The following KIAA1671 variants were observed in gnomAD, a reference collection of about 807,000 sequenced individuals.
KIAA1671 encodes uncharacterized protein KIAA1671.
A neutral mutation model predicts 131.2 loss-of-function variants in KIAA1671; 52 were observed. That is an observed-to-expected ratio of 0.40 (90% CI 0.32 to 0.50). KIAA1671 has a LOEUF of 0.50. KIAA1671 is among the 20% of genes least tolerant of loss of function. The probability of loss-of-function intolerance (pLI) is 0.73; values close to 1 mark genes in which losing one functional copy is unlikely to be tolerated. For missense variants in KIAA1671, 2,360 were observed against 2,364.2 expected, an observed-to-expected ratio of 1.00 and a Z score of 0.04; for synonymous variants, 1,003 against 961.6, an observed-to-expected ratio of 1.04 and a Z score of -0.80.
intron 3 of KIAA1671, among the ~76,000 whole-genome samples, chr22:25,031,432 G>A (rs967475519): frequency 6.6e-6 from 1 of 152,000 alleles, no homozygotes; most frequent in Non-Finnish European, 1.5e-5. Flanking sequence ...TCCTGACCTC[G>A]TGATCCGCCC....
chr22:25,097,112 G>A lies in KIAA1671; in HGVS notation c.4530+47748G>A, dbSNP rs573806134. Among the ~76,000 whole-genome samples, 21 of 152,260 alleles carry A rather than the reference G, an allele frequency of 1.4e-4. 2 individuals carry two copies. Among genetic ancestry groups the A allele is most frequent in the Admixed American group, 1.1e-3 (17 of 15,304 alleles). The stretch of plus-strand genomic sequence containing the variant: ...AGTCTTTGTATGGACAAATGCTCTC[G>A]TTTCTCTTGGGTAAATACCTACAAG... On this transcript the variant is annotated intron_variant, in intron 6 of 12. Transcript: ENST00000358431.
In KIAA1671 at chr22:25,029,541, G is replaced by T; in HGVS notation, c.1541+1G>T. 2.6e-6 allele frequency: 4 copies of T among 1,530,318 alleles called. No individual in the cohort carries two copies. Among genetic ancestry groups the T allele is most frequent in the Non-Finnish European group, 2.6e-6 (3 of 1,136,706 alleles). The allele number at this position is 1,530,318 out of a possible 1,614,324, so 94.8% of individuals were successfully genotyped here. ...CGCTGTCGGCGGATTTGACCAAATT[G>T]TAAGTAGGCACATCCCACACCCCTC... On this transcript the variant is annotated splice_donor_variant, in intron 3 of 12. Transcript: ENST00000358431. LOFTEE classifies it high-confidence loss of function.
At chr22:25,161,974 C>CTGTCTTTGGA (rs899540625) in intron 6 of KIAA1671, among the ~76,000 whole-genome samples, 1 of 152,124 alleles carries the variant, frequency 6.6e-6, no homozygotes, top group Non-Finnish European at 1.5e-5. Flanking sequence ...GGAGAATGTG[C>CTGTCTTTGGA]TGTCTTTGGA....
chr22:25,094,224 C>A (rs953128010), intron 6 of KIAA1671, among the ~76,000 whole-genome samples: 2 of 152,192 alleles, frequency 1.3e-5, no homozygotes, highest in African/African-American at 4.8e-5. Flanking sequence ...AGCAGGGAGG[C>A]CCAGTTTAAA....
At chr22:25,132,106 C>G (rs1196276062) in intron 6 of KIAA1671, among the ~76,000 whole-genome samples, 1 of 152,184 alleles carries the variant, frequency 6.6e-6, no homozygotes, top group Non-Finnish European at 1.5e-5. Flanking sequence ...CACATTTGTC[C>G]CTTCTTGGAT....
chr22:25,067,589 C>A (rs1928548286), intron 6 of KIAA1671, among the ~76,000 whole-genome samples: 1 of 152,092 alleles, frequency 6.6e-6, no homozygotes, highest in Admixed American at 6.5e-5. Context: ...CCTGTAACTT[C>A]CTTCTCCTTC....
At chr22:24,960,654 CTTTTT>C (rs34901740) in intron 1 of KIAA1671, among the ~76,000 whole-genome samples, 4 of 71,540 alleles carry the variant, frequency 5.6e-5, no homozygotes, top group Non-Finnish European at 1.0e-4. Flanking sequence ...TTTTCAGGTT[CTTTTT>C]TTTTTTTTTT....
At chr22:25,024,212 A>G (rs377139865) in intron 1 of KIAA1671, 3 of 152,320 alleles carry the variant, frequency 2.0e-5, no homozygotes, top group African/African-American at 7.2e-5. Context: ...GGTGGGTTCA[A>G]GGTTCCCAAA....
At chr22:25,151,532 A>G (rs1005153286) in intron 6 of KIAA1671, among the ~76,000 whole-genome samples, 11 of 150,486 alleles carry the variant, frequency 7.3e-5, no homozygotes, top group Non-Finnish European at 8.9e-5. Flanking sequence ...CCTGGGTTCA[A>G]GCGATTCTCA....
intron 5 of KIAA1671, among the ~76,000 whole-genome samples, chr22:25,045,689 A>G (rs1927184542): frequency 6.6e-6 from 1 of 152,102 alleles, no homozygotes; most frequent in Non-Finnish European, 1.5e-5. Context: ...TCCCGGGTTC[A>G]AGTGATTCTC....
intron 6 of KIAA1671, among the ~76,000 whole-genome samples, chr22:25,103,313 C>T (rs933763817): frequency 4.0e-5 from 6 of 151,232 alleles, no homozygotes; most frequent in Non-Finnish European, 8.8e-5. Context: ...CAGGTTCAAG[C>T]GATTCTCCTG....
chr22:24,984,497 G>C (rs1245233436), intron 1 of KIAA1671, among the ~76,000 whole-genome samples: 1 of 152,206 alleles, frequency 6.6e-6, no homozygotes, highest in Non-Finnish European at 1.5e-5. Context: ...ACCTGTTGGT[G>C]AAGGTAATGC....
At chr22:25,191,486 G>A (rs1213011782) in intron 12 of KIAA1671, among the ~76,000 whole-genome samples, 2 of 152,084 alleles carry the variant, frequency 1.3e-5, no homozygotes, top group South Asian at 2.1e-4. Context: ...TAGGGGGAGT[G>A]TTTCATATAC....
intron 6 of KIAA1671, among the ~76,000 whole-genome samples, chr22:25,073,221 T>C (rs1928920679): frequency 6.6e-6 from 1 of 150,722 alleles, no homozygotes; most frequent in South Asian, 2.1e-4. Context: ...GTGCGTGCCA[T>C]CATGCCCAGC....
chr22:25,131,673 G>A (rs900360739), intron 6 of KIAA1671, among the ~76,000 whole-genome samples: 7 of 152,244 alleles, frequency 4.6e-5, no homozygotes, highest in Non-Finnish European at 8.8e-5. Flanking sequence ...GTCGTGTGGG[G>A]CAGGGTCAGG....
At chr22:25,149,157 C>T (rs565745197) in intron 6 of KIAA1671, among the ~76,000 whole-genome samples, 8 of 152,328 alleles carry the variant, frequency 5.3e-5, no homozygotes, top group Admixed American at 2.6e-4. Flanking sequence ...CAGTGCTCAC[C>T]TCGACTCTGG....
At chr22:24,962,989 G>A (rs892865283) in intron 1 of KIAA1671, among the ~76,000 whole-genome samples, 1 of 152,104 alleles carries the variant, frequency 6.6e-6, no homozygotes, top group African/African-American at 2.4e-5. Flanking sequence ...GCGCCACTAT[G>A]AATGCACTCA....
At chr22:25,071,436 C>T (rs1385391030) in intron 6 of KIAA1671, among the ~76,000 whole-genome samples, 1 of 152,102 alleles carries the variant, frequency 6.6e-6, no homozygotes, top group South Asian at 2.1e-4. Flanking sequence ...CAGGAGATCC[C>T]CCCAGTCCAT....
At position 24,960,615 on chromosome 22, in the gene KIAA1671, C is replaced by T. The variant is rs1392572121; in HGVS notation, c.-208+7843C>T. On this transcript the variant is annotated intron_variant, in intron 1 of 12. Coordinates refer to ENST00000358431, the MANE Select transcript of KIAA1671 (RefSeq NM_001145206.2). ...ATGAGGTGCTATGAGCTTATTTAAC[C>T]GATCCCCTGTTGATGGACATTGAGT... 2.7e-5 allele frequency among the ~76,000 whole-genome samples: 4 copies of T among 148,830 alleles called. No individual in the cohort carries two copies. In the East Asian group the frequency reaches 5.9e-4, roughly 22 times the overall value.
Sources: gnomAD v4.1 joint callset for allele counts (sites outside exome capture counted in the v4.1 genomes callset) on GRCh38, gnomAD v4.1.1 for gene constraint, MANE v1.5 for transcripts, NCBI Gene and HGNC (gene_info 2026-07-23, HGNC 2026-07-21) for gene names.